Variants in FAM120B observed in about 807,000 individuals in gnomAD.
The protein encoded by FAM120B is family with sequence similarity 120 member B.
FAM120B carries 83 observed loss-of-function variants against 96.3 expected under a neutral mutation model. The observed-to-expected ratio is 0.86, with a 90% confidence interval of 0.72 to 1.03. The LOEUF (loss-of-function observed/expected upper bound fraction) is 1.03. Among genes scored for constraint, FAM120B ranks in the 50% least tolerant of loss-of-function variants. The probability of loss-of-function intolerance (pLI) is 0.00; values close to 1 mark genes in which losing one functional copy is unlikely to be tolerated. For missense variants in FAM120B, 1,027 were observed against 1,121.2 expected (o/e 0.92, Z 1.20); for synonymous variants, 407 against 402.7 (o/e 1.01, Z -0.13).
chr6:170,378,390 A>T (rs1409554396), intron 6 of FAM120B, among the ~76,000 whole-genome samples: 1 of 152,184 alleles, frequency 6.6e-6, no homozygotes, highest in East Asian at 1.9e-4. Flanking sequence ...GCCACCCGCT[A>T]GAAGGATGTG....
intron 6 of FAM120B, among the ~76,000 whole-genome samples, chr6:170,371,992 GA>G (rs1789225551): frequency 6.6e-6 from 1 of 152,086 alleles, no homozygotes; most frequent in South Asian, 2.1e-4. Context: ...TTGAAAAACA[GA>G]AAAAATAAGC....
chr6:170,367,787 T>C (rs541325401), intron 6 of FAM120B, among the ~76,000 whole-genome samples: 2 of 152,374 alleles, frequency 1.3e-5, no homozygotes, highest in East Asian at 3.9e-4. Context: ...AATGAAGATA[T>C]AATTATGTGT....
intron 6 of FAM120B, among the ~76,000 whole-genome samples, chr6:170,378,767 G>A (rs914766881): frequency 5.9e-5 from 9 of 152,220 alleles, no homozygotes; most frequent in African/African-American, 1.9e-4. Context: ...GGTTGTGGGC[G>A]GGGTGGGCTG....
At chr6:170,309,089 A>T (rs970166698) in intron 1 of FAM120B, among the ~76,000 whole-genome samples, 1 of 152,244 alleles carries the variant, frequency 6.6e-6, no homozygotes, top group South Asian at 2.1e-4. Context: ...TCTTAACTCC[A>T]TGGAAACTAG....
chr6:170,330,249 A>G (rs1027161236), intron 3 of FAM120B, among the ~76,000 whole-genome samples, 200 bp from the exon 4 acceptor site: 1 of 152,212 alleles, frequency 6.6e-6, no homozygotes, highest in Non-Finnish European at 1.5e-5. Context: ...TCCACAGGGT[A>G]TGGTTCTTGA....
chr6:170,312,080 G>A (rs1229921530), intron 1 of FAM120B, among the ~76,000 whole-genome samples: 1 of 152,160 alleles, frequency 6.6e-6, no homozygotes, highest in East Asian at 1.9e-4. Flanking sequence ...GGAGAACAGT[G>A]ACATCATGAG....
intron 4 of FAM120B, among the ~76,000 whole-genome samples, chr6:170,340,860 C>T (rs915090233): frequency 3.9e-5 from 6 of 152,220 alleles, no homozygotes; most frequent in African/African-American, 1.2e-4. Context: ...CCTGTGGAAG[C>T]TTCCTCCTAA....
chr6:170,375,913 C>T (rs1308129629), intron 6 of FAM120B, among the ~76,000 whole-genome samples: 2 of 152,024 alleles, frequency 1.3e-5, no homozygotes, highest in African/African-American at 4.8e-5. Flanking sequence ...AGGGAAGGAG[C>T]GGGACTGTTT....
upstream of FAM120B, chr6:170,295,234 T>C: frequency 1.7e-6 from 1 of 576,434 alleles, no homozygotes. The surrounding 1 kb of genome is among the most constrained non-coding windows in gnomAD (Gnocchi z 7.8). Context: ...CACGTGAACA[T>C]AGACCTTACC....
intron 6 of FAM120B, among the ~76,000 whole-genome samples, chr6:170,368,611 A>G (rs1465187837): frequency 6.6e-6 from 1 of 152,268 alleles, no homozygotes; most frequent in African/African-American, 2.4e-5. Context: ...GAAGAAATAC[A>G]ATTTTTAAAG....
At chr6:170,366,894 T>A (rs1352639097) in intron 6 of FAM120B, among the ~76,000 whole-genome samples, 1 of 152,176 alleles carries the variant, frequency 6.6e-6, no homozygotes, top group African/African-American at 2.4e-5. Flanking sequence ...ATGTTATTTT[T>A]TAGATTTTTT....
intron 5 of FAM120B, among the ~76,000 whole-genome samples, chr6:170,350,390 C>T (rs1328200021): frequency 1.3e-5 from 2 of 152,214 alleles, no homozygotes; most frequent in Non-Finnish European, 2.9e-5. Flanking sequence ...TTGGAGAACA[C>T]AGGCAGTCCG....
chr6:170,304,876 C>G (rs999236878), upstream of FAM120B, among the ~76,000 whole-genome samples: 1 of 152,176 alleles, frequency 6.6e-6, no homozygotes, highest in African/African-American at 2.4e-5. Context: ...GTTCAGACTG[C>G]TACAGCAAAG....
At chr6:170,324,149 C>G (rs1441214067) in intron 3 of FAM120B, among the ~76,000 whole-genome samples, 1 of 152,136 alleles carries the variant, frequency 6.6e-6, no homozygotes, top group African/African-American at 2.4e-5. Context: ...CTCTGTTGTT[C>G]CAGAAAGTGA....
At chr6:170,366,377 C>G (rs1788796976) in intron 6 of FAM120B, among the ~76,000 whole-genome samples, 1 of 152,146 alleles carries the variant, frequency 6.6e-6, no homozygotes, top group African/African-American at 2.4e-5. Flanking sequence ...AGGAGTCTCT[C>G]CATTGCATCT....
chr6:170,333,436 A>G (rs920140923), intron 4 of FAM120B, among the ~76,000 whole-genome samples: 2 of 152,100 alleles, frequency 1.3e-5, no homozygotes, highest in African/African-American at 4.8e-5. Flanking sequence ...GTGTTTTGCC[A>G]TAGCATCTCA....
At chr6:170,327,324 G>A (rs1264459940) in intron 3 of FAM120B, among the ~76,000 whole-genome samples, 1 of 152,176 alleles carries the variant, frequency 6.6e-6, no homozygotes, top group Non-Finnish European at 1.5e-5. Flanking sequence ...GGGATTACAG[G>A]CGTGAGCCAC....
upstream of FAM120B, chr6:170,290,904 C>A: frequency 1.4e-6 from 1 of 693,952 alleles, no homozygotes. The surrounding 1 kb of genome is among the most constrained non-coding windows in gnomAD (Gnocchi z 4.7). Context: ...CGGGTCGGGT[C>A]TCCGCGGGTG....
intron 6 of FAM120B, 55 bp downstream of exon 6, chr6:170,358,373 C>A: frequency 8.3e-7 from 1 of 1,206,448 alleles, no homozygotes; most frequent in Non-Finnish European, 1.2e-6. Context: ...TGCAGTCCAG[C>A]CTTCTCTTTC....
Sources: allele counts gnomAD v4.1 joint callset (sites outside exome capture counted in the v4.1 genomes callset), GRCh38; gene constraint gnomAD v4.1.1; non-coding constraint Gnocchi (gnomAD v3.1); transcripts MANE v1.5; gene names NCBI Gene and HGNC (gene_info 2026-07-23, HGNC 2026-07-21).